Variants in RTF1 observed in about 807,000 individuals in gnomAD.
The protein encoded by RTF1 is RTF1 homolog, Paf1/RNA polymerase II complex component.
In RTF1, 10 loss-of-function variants were observed where a neutral mutation model predicts 95.7. The observed-to-expected ratio is 0.10, with a 90% CI of 0.06 to 0.18. RTF1 has a LOEUF of 0.18. Among genes scored for constraint, RTF1 ranks in the 10% least tolerant of loss-of-function variants. RTF1 has a pLI of 1.00. For synonymous variants in RTF1, 305 were observed against 311.8 expected, an observed-to-expected ratio of 0.98 and a Z score of 0.23; for missense variants, 458 against 875.6, an observed-to-expected ratio of 0.52 and a Z score of 6.02.
intron 6 of RTF1, among the ~76,000 whole-genome samples, chr15:41,467,672 G>A (rs1361530098): frequency 1.3e-5 from 2 of 151,444 alleles, no homozygotes; most frequent in Non-Finnish European, 2.9e-5. Flanking sequence ...CTGAGATTCC[G>A]CCACTGCGCT....
chr15:41,474,523 A>G (rs2050932704), intron 8 of RTF1, 97 bp from the exon 9 acceptor site: 5 of 867,042 alleles, frequency 5.8e-6, no homozygotes, highest in African/African-American at 1.7e-5. Flanking sequence ...GCACTCTATC[A>G]GTTGTCTGCG....
chr15:41,454,458 C>T (rs2050803225), intron 3 of RTF1, among the ~76,000 whole-genome samples: 1 of 152,100 alleles, frequency 6.6e-6, no homozygotes, highest in Non-Finnish European at 1.5e-5. Flanking sequence ...GAAGAATCAC[C>T]ACTTTTCAAT....
In RTF1 at chr15:41,461,365, A is replaced by C. The variant is rs138965732; in HGVS notation, c.663-3406A>C. On this transcript the variant is annotated intron_variant, in intron 4 of 17. Coordinates refer to ENST00000389629, the MANE Select transcript of RTF1 (RefSeq NM_015138.5). ...CCTGGCCAATTTTTGTATTTTAAGT[A>C]GAGACAGGGTTTCACTATGTTGGCC... Among the ~76,000 whole-genome samples, 267 of 151,752 alleles carry C rather than the reference A, an allele frequency of 1.8e-3. 1 individual carries two copies. Among genetic ancestry groups the C allele is most frequent in the African/African-American group, 6.1e-3 (254 of 41,382 alleles).
chr15:41,429,985 A>G (rs1306497737), intron 1 of RTF1, among the ~76,000 whole-genome samples: 1 of 140,626 alleles, frequency 7.1e-6, no homozygotes, highest in African/African-American at 2.6e-5. Context: ...TTTTAATTTA[A>G]TTTAATTTAT....
intron 2 of RTF1, among the ~76,000 whole-genome samples, chr15:41,451,368 T>C (rs547235069): frequency 3.0e-4 from 45 of 152,204 alleles, no homozygotes; most frequent in Non-Finnish European, 5.3e-4. Flanking sequence ...GAAGGAGATA[T>C]GGTTTAATGT....
rs568028635 is a variant in RTF1, at chr15:41,442,281, C to T, written c.309+3850C>T. Among the ~76,000 whole-genome samples the T allele has an allele frequency of 1.2e-4, 18 of 151,624 alleles. No individual in the cohort carries two copies. In the South Asian group the frequency reaches 1.9e-3, roughly 16 times the overall value. ...CTCCCGGGTTCACGCCATTCTTCTG[C>T]CTCAGCCTCCCGAGCAGCTGGGACT... On this transcript the variant is annotated intron_variant, in intron 2 of 17. Transcript: ENST00000389629.
intron 4 of RTF1, among the ~76,000 whole-genome samples, chr15:41,462,144 T>C (rs182740362): frequency 6.6e-6 from 1 of 152,234 alleles, no homozygotes; most frequent in Admixed American, 6.5e-5. Flanking sequence ...ATTGATATTT[T>C]AGTAGTTCGT....
intron 2 of RTF1, among the ~76,000 whole-genome samples, chr15:41,439,251 G>A (rs1450448037): frequency 6.6e-6 from 1 of 151,740 alleles, no homozygotes; most frequent in Non-Finnish European, 1.5e-5. Flanking sequence ...AGCCAGGGTG[G>A]TCTCAATCTC....
intron 2 of RTF1, 98 bp from the exon 3 acceptor site, chr15:41,452,803 A>T: frequency 2.2e-6 from 2 of 898,702 alleles, no homozygotes; most frequent in Non-Finnish European, 1.6e-6. Flanking sequence ...TTGGATTCAA[A>T]GATGAATGCC....
At chr15:41,438,195 G>A (rs1332616806) in intron 1 of RTF1, 126 bp from the exon 2 acceptor site, 4 of 542,910 alleles carry the variant, frequency 7.4e-6, no homozygotes, top group Non-Finnish European at 1.3e-5. Context: ...AGAAGTCCCT[G>A]TGACAATGTC....
intron 3 of RTF1, among the ~76,000 whole-genome samples, chr15:41,453,441 T>C (rs1209402745): frequency 1.3e-5 from 2 of 152,108 alleles, no homozygotes; most frequent in Non-Finnish European, 2.9e-5. Context: ...AAAAGTGAAC[T>C]TGGGCCAGGT....
At chr15:41,422,905 C>A (rs915878828) in intron 1 of RTF1, among the ~76,000 whole-genome samples, 7 of 152,144 alleles carry the variant, frequency 4.6e-5, no homozygotes, top group Non-Finnish European at 8.8e-5. Flanking sequence ...TTCCGAGTAG[C>A]TTGGATTACA....
chr15:41,473,873 T>C (rs537706331), intron 8 of RTF1, among the ~76,000 whole-genome samples: 16 of 151,886 alleles, frequency 1.1e-4, no homozygotes, highest in Non-Finnish European at 1.3e-4. Flanking sequence ...CCCTCTCTAC[T>C]AAAAATACAA....
chr15:41,477,595 A>T (rs1566850303), intron 14 of RTF1, 80 bp downstream of exon 14: 2 of 1,327,938 alleles, frequency 1.5e-6, no homozygotes, highest in African/African-American at 2.9e-5. Flanking sequence ...GCCTAAGTTT[A>T]TTTTTTAATT....
At chr15:41,462,836 G>A (rs1031363250) in intron 4 of RTF1, among the ~76,000 whole-genome samples, 8 of 152,094 alleles carry the variant, frequency 5.3e-5, no homozygotes, top group African/African-American at 1.9e-4. Context: ...GCTCATTGAA[G>A]CCTCGACCTC....
Position 41,471,187 on chromosome 15 carries a change from T to C in RTF1, c.1041T>C (p.Pro347=). The change falls in exon 8 of 18, where the codon CCT becomes CCC. Residue 347 remains proline, a synonymous_variant. Coordinates refer to ENST00000389629, the MANE Select transcript of RTF1 (RefSeq NM_015138.5). The part of the protein sequence containing the change: ...SDEEEEKEEI[P]PKSQPVSLPE... ...TTCCTCTTAGGAAAGAAGAGATCCCTCCCAAATCCCAACCAGTTTCCTTAC... is the reference window on the plus strand; with the variant it reads ...TTCCTCTTAGGAAAGAAGAGATCCCCCCCAAATCCCAACCAGTTTCCTTAC... 1.2e-6 allele frequency: 2 copies of C among 1,610,026 alleles called. No individual in the cohort carries two copies. Among genetic ancestry groups the C allele is most frequent in the Non-Finnish European group, 1.7e-6 (2 of 1,178,530 alleles).
rs192911512 is a variant in RTF1, at chr15:41,454,344, T to C, written c.457+1296T>C. ...GACCTCAGGTGATCCACCTGCCTTGTCCTCCCAGAGTGCTGGGATTACAGG... is the reference window on the plus strand; with the variant it reads ...GACCTCAGGTGATCCACCTGCCTTGCCCTCCCAGAGTGCTGGGATTACAGG... On this transcript the variant is annotated intron_variant, in intron 3 of 17. Coordinates refer to ENST00000389629, the MANE Select transcript of RTF1 (RefSeq NM_015138.5). 2.7e-3 allele frequency among the ~76,000 whole-genome samples: 407 copies of C among 152,140 alleles called. 2 individuals carry two copies. The highest frequency in any genetic ancestry group is 9.2e-3 in the African/African-American group (383 of 41,528).
intron 17 of RTF1, 27 bp downstream of exon 17, chr15:41,480,352 G>T: frequency 6.8e-7 from 1 of 1,474,350 alleles, no homozygotes; most frequent in South Asian, 1.1e-5. Flanking sequence ...CGGGTGGTGA[G>T]GGCTGAGAAC....
intron 3 of RTF1, among the ~76,000 whole-genome samples, chr15:41,457,199 C>T (rs536849566): frequency 4.1e-4 from 62 of 152,258 alleles, no homozygotes; most frequent in Middle Eastern, 3.4e-3. Flanking sequence ...CCCAAGAGTT[C>T]GAGACCAGCC....
Sources: gnomAD v4.1 joint callset for allele counts (sites outside exome capture counted in the v4.1 genomes callset) on GRCh38, gnomAD v4.1.1 for gene constraint, MANE v1.5 for transcripts, NCBI Gene and HGNC (gene_info 2026-07-23, HGNC 2026-07-21) for gene names.